Variants in GRM3 observed in about 807,000 individuals in gnomAD.
GRM3 encodes glutamate metabotropic receptor 3.
In GRM3, 26 loss-of-function variants were observed where a neutral mutation model predicts 70.5. That is an observed-to-expected ratio of 0.37 (90% confidence interval 0.27 to 0.51). The LOEUF is 0.51. Among genes scored for constraint, GRM3 ranks in the 20% least tolerant of loss-of-function variants. The pLI is 0.93. For synonymous variants in GRM3, 443 were observed against 434.9 expected (o/e 1.02, Z -0.23); for missense variants, 859 against 1,123.8 (o/e 0.76, Z 3.37).
chr7:86,848,362 A>G (rs1267536731), intron 4 of GRM3, among the ~76,000 whole-genome samples: 1 of 152,092 alleles, frequency 6.6e-6, no homozygotes, highest in Non-Finnish European at 1.5e-5. Flanking sequence ...GCGCTGATTA[A>G]AGAGTAATAA....
chr7:86,760,873 T>G (rs923329449), intron 1 of GRM3, among the ~76,000 whole-genome samples: 1 of 152,170 alleles, frequency 6.6e-6, no homozygotes, highest in Non-Finnish European at 1.5e-5. Context: ...GGAAAAAATA[T>G]TTTACATGAC....
intron 1 of GRM3, among the ~76,000 whole-genome samples, chr7:86,746,229 G>A (rs953727470): frequency 6.6e-6 from 1 of 150,538 alleles, no homozygotes; most frequent in Non-Finnish European, 1.5e-5. Flanking sequence ...TTAAGTGGAG[G>A]CAGGGAGGAT....
At chr7:86,722,588 C>T (rs1433383763) in intron 1 of GRM3, among the ~76,000 whole-genome samples, 3 of 132,182 alleles carry the variant, frequency 2.3e-5, no homozygotes, top group Non-Finnish European at 4.7e-5. Context: ...GGGGGCATCA[C>T]ACACTGGGGA....
At chr7:86,811,368 A>T (rs1007475842) in intron 3 of GRM3, among the ~76,000 whole-genome samples, 4 of 151,916 alleles carry the variant, frequency 2.6e-5, no homozygotes, top group African/African-American at 9.7e-5. Context: ...AAGAAGCAAT[A>T]ACAACAACTA....
At chr7:86,801,301 C>A (rs757109748) in intron 3 of GRM3, among the ~76,000 whole-genome samples, 1 of 152,018 alleles carries the variant, frequency 6.6e-6, no homozygotes, top group Admixed American at 6.6e-5. Context: ...GAACTCCTGA[C>A]CTCATGATCT....
chr7:86,700,467 A>G (rs1231302180), intron 1 of GRM3, among the ~76,000 whole-genome samples: 1 of 151,924 alleles, frequency 6.6e-6, no homozygotes, highest in African/African-American at 2.4e-5. Flanking sequence ...AAGAAGCCTC[A>G]CATCAGTCCC....
At chr7:86,862,249 G>A (rs901905403) in intron 5 of GRM3, among the ~76,000 whole-genome samples, 3 of 152,090 alleles carry the variant, frequency 2.0e-5, no homozygotes, top group Non-Finnish European at 4.4e-5. Context: ...AGCACATATT[G>A]AATGACCTAG....
intron 3 of GRM3, among the ~76,000 whole-genome samples, chr7:86,820,966 T>C (rs1003430950): frequency 5.9e-5 from 9 of 152,112 alleles, no homozygotes; most frequent in Non-Finnish European, 1.3e-4. Flanking sequence ...AAGCCAAAAA[T>C]ATGTCCTGCA....
chr7:86,741,779 A>T (rs1795997098), intron 1 of GRM3, among the ~76,000 whole-genome samples: 1 of 152,172 alleles, frequency 6.6e-6, no homozygotes, highest in South Asian at 2.1e-4. Context: ...AAATTGCTGG[A>T]TTAGATGATT....
chr7:86,793,016 CTTTTT>C (rs140134217), intron 3 of GRM3, among the ~76,000 whole-genome samples: 7 of 94,354 alleles, frequency 7.4e-5, no homozygotes, highest in African/African-American at 9.0e-5. Flanking sequence ...GGTTGGTTGC[CTTTTT>C]TTTTTTTTTT....
chr7:86,702,286 G>A (rs536237870), intron 1 of GRM3, among the ~76,000 whole-genome samples: 70 of 152,066 alleles, frequency 4.6e-4, no homozygotes, highest in African/African-American at 1.6e-3. Flanking sequence ...TCATAGCCCT[G>A]TGGATCATCA....
At chr7:86,756,163 C>T (rs1796339147) in intron 1 of GRM3, among the ~76,000 whole-genome samples, 1 of 152,186 alleles carries the variant, frequency 6.6e-6, no homozygotes, top group Non-Finnish European at 1.5e-5. Context: ...ACTGCAACCT[C>T]CTCCTCCTGG....
chr7:86,819,793 G>A (rs979155394), intron 3 of GRM3, among the ~76,000 whole-genome samples: 1 of 152,122 alleles, frequency 6.6e-6, no homozygotes, highest in African/African-American at 2.4e-5. Flanking sequence ...GAAAACAGTT[G>A]CTACAGTGAA....
chr7:86,680,267 C>A (rs1186324350), intron 1 of GRM3, among the ~76,000 whole-genome samples: 3 of 151,910 alleles, frequency 2.0e-5, no homozygotes, highest in Non-Finnish European at 4.4e-5. Context: ...ATTGGAATAA[C>A]ATATTTTAGG....
At chr7:86,663,566 G>A (rs1017487009) in intron 1 of GRM3, among the ~76,000 whole-genome samples, 4 of 151,974 alleles carry the variant, frequency 2.6e-5, no homozygotes, top group African/African-American at 9.7e-5. Flanking sequence ...GAAAACTTGG[G>A]TCAAAAGAGA....
chr7:86,853,192 A>G (rs1377612893), intron 5 of GRM3, among the ~76,000 whole-genome samples: 9 of 152,192 alleles, frequency 5.9e-5, no homozygotes. Context: ...AAAAAAACAG[A>G]AAATCTTAAG....
intron 1 of GRM3, among the ~76,000 whole-genome samples, chr7:86,676,328 AT>A (rs1794304903): frequency 1.3e-5 from 2 of 152,010 alleles, no homozygotes; most frequent in African/African-American, 2.4e-5. Flanking sequence ...AAGACAAAAA[AT>A]ATCTCAATAA....
chr7:86,815,769 C>T (rs1486094087), intron 3 of GRM3, among the ~76,000 whole-genome samples: 2 of 151,894 alleles, frequency 1.3e-5, no homozygotes, highest in African/African-American at 4.8e-5. Context: ...GCAAACCAGA[C>T]TTTATCCTGT....
intron 3 of GRM3, among the ~76,000 whole-genome samples, chr7:86,821,607 T>C (rs1370980625): frequency 6.6e-6 from 1 of 152,108 alleles, no homozygotes; most frequent in Non-Finnish European, 1.5e-5. Flanking sequence ...GCAGTCAGAC[T>C]CCAGGGGAAA....
Sources: allele counts gnomAD v4.1 joint callset (sites outside exome capture counted in the v4.1 genomes callset), GRCh38; gene constraint gnomAD v4.1.1; transcripts MANE v1.5; gene names NCBI Gene and HGNC (gene_info 2026-07-23, HGNC 2026-07-21).